The following LZTFL1 variants were observed in gnomAD, a reference collection of about 807,000 sequenced individuals.
LZTFL1 encodes leucine zipper transcription factor-like protein 1.
LZTFL1 carries 25 observed loss-of-function variants against 45.9 expected under a neutral mutation model. That is an observed-to-expected ratio of 0.54 (90% CI 0.40 to 0.76). LZTFL1 has a LOEUF of 0.76. LZTFL1 is among the 30% of genes least tolerant of loss of function. LZTFL1 has a pLI of 0.00. For missense variants in LZTFL1, 277 were observed against 331.1 expected (o/e 0.84, Z 1.27); for synonymous variants, 93 against 117.4 (o/e 0.79, Z 1.35).
intron 2 of LZTFL1, chr3:45,883,850 C>G (rs1438439270): frequency 1.9e-6 from 1 of 537,936 alleles, no homozygotes; most frequent in Non-Finnish European, 3.5e-6. Context: ...CATCACAGAG[C>G]AAGGATTCAG....
rs201700560 is a variant in LZTFL1 at position 45,901,949 on chromosome 3, A to G, written c.-215+11171T>C. On this transcript the variant is annotated intron_variant, in intron 2 of 4. Coordinates refer to the LZTFL1 transcript ENST00000472635. The surrounding 1 kb of genome is among the most constrained non-coding windows in gnomAD (Gnocchi z 4.3). The stretch of plus-strand genomic sequence containing the variant: ...CTTTTGGAAGAAATGAGAAATACAG[A>G]AACAGTTTCCCCACTGATGGGACCA... The G allele has an allele frequency of 4.0e-5, 58 of 1,467,334 alleles. No homozygotes were observed. The highest frequency in any genetic ancestry group is 4.8e-5 in the Non-Finnish European group (52 of 1,087,068). The allele number at this position is 1,467,334 out of a possible 1,614,324, so 90.9% of individuals were successfully genotyped here.
chr3:45,835,897 G>T, intron 2 of LZTFL1, 113 bp from the exon 3 acceptor site: 2 of 653,420 alleles, frequency 3.1e-6, no homozygotes, highest in Non-Finnish European at 5.0e-6. Flanking sequence ...AAAGATTACA[G>T]TGAAAATCTC....
At chr3:45,888,102 A>G (rs1337319548) in intron 2 of LZTFL1, among the ~76,000 whole-genome samples, 1 of 152,222 alleles carries the variant, frequency 6.6e-6, no homozygotes, top group Non-Finnish European at 1.5e-5. Context: ...TAGTGATTGG[A>G]TAATAATAGG....
upstream of LZTFL1, chr3:45,842,189 C>T (rs1701138825): frequency 2.1e-6 from 3 of 1,453,006 alleles, no homozygotes; most frequent in African/African-American, 1.4e-5. Flanking sequence ...GATCACGCGA[C>T]AGGAAGTATT....
At chr3:45,845,917 G>A (rs936829375), upstream of LZTFL1, among the ~76,000 whole-genome samples, 11 of 152,136 alleles carry the variant, frequency 7.2e-5, no homozygotes, top group East Asian at 1.9e-4. Flanking sequence ...GAACTCAAAC[G>A]GAAATGTCAT....
intron 2 of LZTFL1, among the ~76,000 whole-genome samples, chr3:45,872,480 G>A (rs941354554): frequency 5.9e-5 from 9 of 152,178 alleles, no homozygotes; most frequent in African/African-American, 1.4e-4. Flanking sequence ...ATTTATGAGC[G>A]TAGTGAGATT....
chr3:45,868,341 G>T (rs754098773), intron 2 of LZTFL1, among the ~76,000 whole-genome samples: 16 of 152,032 alleles, frequency 1.1e-4, no homozygotes, highest in Non-Finnish European at 2.2e-4. Flanking sequence ...GCTTCCCTGA[G>T]AAGTTTTTCA....
chr3:45,848,487 G>A (rs1701254123), intron 4 of LZTFL1, among the ~76,000 whole-genome samples: 1 of 152,206 alleles, frequency 6.6e-6, no homozygotes, highest in Admixed American at 6.5e-5. Flanking sequence ...AGAACTGCTG[G>A]AAATCACTTT....
intron 2 of LZTFL1, chr3:45,859,029 A>G (rs370259605): frequency 2.6e-5 from 4 of 152,342 alleles, no homozygotes; most frequent in African/African-American, 9.6e-5. Context: ...TGTAAAAATT[A>G]TTTCACAGGT....
chr3:45,890,262 TATATATAAC>T (rs56728009), intron 2 of LZTFL1, among the ~76,000 whole-genome samples: 571 of 1,378 alleles, frequency 0.41, 176 homozygotes, highest in African/African-American at 0.47. Context: ...ATTAGAAATA[TATATATAAC>T]ATATATATAT....
intron 2 of LZTFL1, among the ~76,000 whole-genome samples, chr3:45,906,040 TG>T (rs1408026356): frequency 4.6e-5 from 7 of 152,130 alleles, no homozygotes; most frequent in Admixed American, 4.6e-4. Context: ...ATAAACACCT[TG>T]CACCCCAAAC....
At chr3:45,877,993 G>A (rs527914406) in intron 2 of LZTFL1, among the ~76,000 whole-genome samples, 35 of 152,086 alleles carry the variant, frequency 2.3e-4, no homozygotes, top group African/African-American at 8.0e-4. Flanking sequence ...TGATCCACCC[G>A]CCTCAGCCTC....
chr3:45,824,420 T>A lies in LZTFL1; in HGVS notation c.*1894A>T, dbSNP rs1182549740. 1 of 160,186 alleles carries A rather than the reference T, an allele frequency of 6.2e-6. No individual in the cohort carries two copies. Among genetic ancestry groups the A allele is most frequent in the African/African-American group, 2.4e-5 (1 of 41,852 alleles). 9.9% of individuals were successfully genotyped at this position (160,186 alleles called of 1,614,324 possible). A position where few individuals can be genotyped will look rare whatever the true frequency, so the allele number is the denominator to read the frequency against. ...CAAACCAGAAACACTAAAATGTGTT[T>A]ACATGTGAAAGAATCATCACGTTGA... On this transcript the variant is annotated 3_prime_UTR_variant, in exon 10 of 10. Coordinates refer to ENST00000296135, the MANE Select transcript of LZTFL1 (RefSeq NM_020347.4).
intron 7 of LZTFL1, among the ~76,000 whole-genome samples, chr3:45,829,109 C>G (rs188372789): frequency 1.4e-4 from 22 of 152,150 alleles, no homozygotes; most frequent in Admixed American, 1.4e-3. Context: ...ACATGGTTTT[C>G]TAAATTTTTA....
chr3:45,845,198 G>A (rs1403571903), upstream of LZTFL1, among the ~76,000 whole-genome samples: 1 of 152,202 alleles, frequency 6.6e-6, no homozygotes, highest in Non-Finnish European at 1.5e-5. Context: ...TTCAGCAGCT[G>A]TTAATGGAAA....
chr3:45,838,201 C>T, intron 1 of LZTFL1, 150 bp from the exon 2 acceptor site: 1 of 756,860 alleles, frequency 1.3e-6, no homozygotes, highest in Non-Finnish European at 2.0e-6. Flanking sequence ...GGCTGCCCAC[C>T]TAGATGACAC....
chr3:45,834,247 TGAAG>T lies in LZTFL1; in HGVS notation c.371_374del (p.Ser124Ter). ...ATGACCAAAAAGTTACCTTTTTGTTTGAAGATGTAATCTCTGCTTTTTCAAATTC... is the reference window on the plus strand; with the variant it reads ...ATGACCAAAAAGTTACCTTTTTGTTTATGTAATCTCTGCTTTTTCAAATTC... On this transcript the variant is annotated frameshift_variant, in exon 4 of 10. Coordinates refer to ENST00000296135, the MANE Select transcript of LZTFL1 (RefSeq NM_020347.4). LOFTEE classifies it high-confidence loss of function. 1 of 1,590,688 alleles carries T rather than the reference TGAAG, an allele frequency of 6.3e-7. No individual in the cohort carries two copies. The highest frequency in any genetic ancestry group is 8.6e-7 in the Non-Finnish European group (1 of 1,161,084).
intron 3 of LZTFL1, chr3:45,835,359 C>T: frequency 2.2e-6 from 1 of 457,898 alleles, no homozygotes; most frequent in Non-Finnish European, 3.9e-6. Flanking sequence ...AAAGCAATTT[C>T]ATAAATCTCG....
At chr3:45,834,185 G>T in intron 4 of LZTFL1, 53 bp downstream of exon 4, 1 of 1,008,828 alleles carries the variant, frequency 9.9e-7, no homozygotes, top group Non-Finnish European at 1.5e-6. Context: ...AGCAACTTGA[G>T]GATTTTAAAT....
Sources: gnomAD v4.1 joint callset for allele counts (sites outside exome capture counted in the v4.1 genomes callset) on GRCh38, gnomAD v4.1.1 for gene constraint, Gnocchi (gnomAD v3.1) non-coding constraint, MANE v1.5 for transcripts, NCBI Gene and HGNC (gene_info 2026-07-23, HGNC 2026-07-21) for gene names.